SZT2: variants seen among roughly 807,000 people sequenced by gnomAD.
The protein encoded by SZT2 is KICSTOR complex protein SZT2.
SZT2 carries 216 observed loss-of-function variants against 404.2 expected under a neutral mutation model. The ratio of observed to expected loss-of-function variants is 0.53; its 90% CI spans 0.48 to 0.60. The LOEUF (loss-of-function observed/expected upper bound fraction) is 0.60, where lower values mean the gene tolerates loss of function less well. SZT2 is among the 20% of genes least tolerant of loss of function. The pLI, the probability that SZT2 is intolerant of heterozygous loss-of-function variation, is 0.00. For missense variants in SZT2, 3,857 were observed against 4,459.2 expected (o/e 0.86, Z 3.85); for synonymous variants, 1,693 against 1,749.9 (o/e 0.97, Z 0.81).
At position 43,452,801 on chromosome 1, in the gene SZT2, C is replaced by G. The variant is rs1656583414; in HGVS notation, c.*2321C>G. 1 of 1,241,802 alleles carries G rather than the reference C, an allele frequency of 8.1e-7. No homozygotes were observed. The highest frequency in any genetic ancestry group is 1.1e-6 in the Non-Finnish European group (1 of 875,214). 76.9% of individuals were successfully genotyped at this position (1,241,802 alleles called of 1,614,324 possible). A position where few individuals can be genotyped will look rare whatever the true frequency, so the allele number is the denominator to read the frequency against. ...CTGCAGGATTTGACATTTGAATCAGCCCCACTTTGAGCCGTCCACCTCCTC... is the reference window on the plus strand; with the variant it reads ...CTGCAGGATTTGACATTTGAATCAGGCCCACTTTGAGCCGTCCACCTCCTC... On this transcript the variant is annotated 3_prime_UTR_variant, in exon 72 of 72. Transcript: ENST00000634258.
chr1:43,437,151 C>A lies in SZT2; in HGVS notation c.6035-20C>A. 1.2e-6 allele frequency: 2 copies of A among 1,613,274 alleles called. No individual in the cohort carries two copies. The highest frequency in any genetic ancestry group is 1.7e-6 in the Non-Finnish European group (2 of 1,179,494). ...GAGGGTGGTGTGTCCCATTTCTAAT[C>A]CCTGCTCCCCCTCACCCAGATTATG... On this transcript the variant is annotated intron_variant, in intron 42 of 71. Coordinates refer to ENST00000634258, the MANE Select transcript of SZT2 (RefSeq NM_001365999.1). This position sits in a 1 kb window ranked among gnomAD's most constrained non-coding sequence, Gnocchi z 5.3.
rs1405448629 is a variant in SZT2, at chr1:43,420,831, C to T, written c.1344C>T (p.Pro448=). ...AGTATGTGGCTATGGCACCCTGGCC[C>T]CTGGAGCCTGAGGGCCCTCGAGTAA... The part of the protein sequence containing the change: ...RIEYVAMAPW[P]LEPEGPRVTR... Residue 448 remains proline, a synonymous_variant, in exon 10 of 72, where the codon CCC becomes CCT. Coordinates refer to ENST00000634258, the MANE Select transcript of SZT2 (RefSeq NM_001365999.1). This position sits in a 1 kb window ranked among gnomAD's most constrained non-coding sequence, Gnocchi z 5.1. 3.8e-6 allele frequency: 6 copies of T among 1,598,308 alleles called. No homozygotes were observed. The highest frequency in any genetic ancestry group is 2.2e-5 in the East Asian group (1 of 44,892).
rs1209373381 is a variant in SZT2 at position 43,404,481 on chromosome 1, C to T, written c.429C>T (p.Ile143=). Residue 143 remains isoleucine, a synonymous_variant, in exon 4 of 72, where the codon ATC becomes ATT. Transcript: ENST00000634258. ...CCTTCCGAGTGCCTGGATCTTGCAT[C>T]GACTTCCAGCCTGAGATCTATGTAA... ...LRPFRVPGSC[I]DFQPEIYVTI... is the part of the protein sequence containing the mutation. 42 of 1,613,894 alleles carry T rather than the reference C, an allele frequency of 2.6e-5. No individual in the cohort carries two copies. Among genetic ancestry groups the T allele is most frequent in the Non-Finnish European group, 3.5e-5 (41 of 1,180,034 alleles).
In SZT2 at chr1:43,442,110, G is replaced by A; in HGVS notation, c.7853G>A (p.Trp2618Ter). 2 of 1,613,868 alleles carry A rather than the reference G, an allele frequency of 1.2e-6. No individual in the cohort carries two copies. Among genetic ancestry groups the A allele is most frequent in the Non-Finnish European group, 1.7e-6 (2 of 1,179,936 alleles). ...LLLLGRNFLQ[W>*]RRPTQQAAKA... ...CTTCTGGGAAGGAACTTCTTGCAGT[G>A]GAGGAGACCAACACAGCAGGGTGAG... The change falls in exon 56 of 72, where the codon TGG (tryptophan) becomes TAG (stop). Residue 2618 changes from tryptophan (W) to a stop codon, truncating the protein, a stop_gained. Transcript: ENST00000634258. LOFTEE classifies it high-confidence loss of function. The surrounding 1 kb of genome is among the most constrained non-coding windows in gnomAD (Gnocchi z 4.5).
rs756384635 is a variant in SZT2 at position 43,428,036 on chromosome 1, A to G, written c.3837A>G (p.Ser1279=). The G allele has an allele frequency of 6.2e-7, 1 of 1,614,120 alleles. No homozygotes were observed. Among genetic ancestry groups the G allele is most frequent in the Non-Finnish European group, 8.5e-7 (1 of 1,180,010 alleles). ...TCCTCGACCACCCCTCCCCATCCTCAGCCTGGATGGAACCCCGGTACAAGG... is the reference window on the plus strand; with the variant it reads ...TCCTCGACCACCCCTCCCCATCCTCGGCCTGGATGGAACCCCGGTACAAGG... ...TQFLDHPSPS[S]AWMEPRYKEA... The change falls in exon 27 of 72, where the codon TCA becomes TCG. Residue 1279 remains serine (S), a synonymous_variant. Coordinates refer to ENST00000634258, the MANE Select transcript of SZT2 (RefSeq NM_001365999.1).
chr1:43,447,684 G>T lies in SZT2; in HGVS notation c.9426G>T (p.Val3142=). The stretch of plus-strand genomic sequence containing the variant: ...CAGAACACAACGAGTATGCCCTGGT[G>T]TCGGCATGGCACAGGTAAGGCTGAG... ...GGPEHNEYAL[V]SAWHSSGSYL... Residue 3142 remains valine (V), a synonymous_variant, in exon 67 of 72, where the codon GTG becomes GTT. Transcript: ENST00000634258. 6.2e-7 allele frequency: 1 copy of T among 1,614,058 alleles called. No homozygotes were observed. Among genetic ancestry groups the T allele is most frequent in the Non-Finnish European group, 8.5e-7 (1 of 1,179,994 alleles).
intron 42 of SZT2, 44 bp downstream of exon 42, chr1:43,435,373 G>C: frequency 1.9e-6 from 3 of 1,607,148 alleles, no homozygotes; most frequent in Non-Finnish European, 2.5e-6. Context: ...CAGTGCTGCC[G>C]CCCTTTCTTT....
intron 28 of SZT2, 47 bp downstream of exon 28, chr1:43,428,533 TC>T: frequency 1.3e-6 from 2 of 1,589,630 alleles, no homozygotes; most frequent in Non-Finnish European, 1.7e-6. Flanking sequence ...ACAGACCAAG[TC>T]CCTATAAACA....
intron 62 of SZT2, 130 bp downstream of exon 62, chr1:43,443,926 A>G: frequency 9.0e-7 from 1 of 1,109,652 alleles, no homozygotes; most frequent in Non-Finnish European, 1.3e-6. Flanking sequence ...TTATCCCACC[A>G]GGCTTGCACT....
chr1:43,427,838 C>T (rs1453373642), intron 26 of SZT2, 104 bp downstream of exon 26: 4 of 1,411,786 alleles, frequency 2.8e-6, no homozygotes, highest in African/African-American at 2.9e-5. Flanking sequence ...CTGCCATATC[C>T]TGCTGGCTCC....
At chr1:43,416,249 AGT>A (rs1330753696) in intron 6 of SZT2, 148 bp downstream of exon 6, 4 of 1,066,094 alleles carry the variant, frequency 3.8e-6, no homozygotes, top group Admixed American at 2.7e-5. Flanking sequence ...AGTCTGTATT[AGT>A]GTGTATCAGG....
chr1:43,443,934 A>G, intron 62 of SZT2, 138 bp downstream of exon 62: 2 of 1,053,758 alleles, frequency 1.9e-6, no homozygotes, highest in African/African-American at 1.6e-5. Context: ...CCAGGCTTGC[A>G]CTCATGTGAG....
rs112102534 is a variant in SZT2 at position 43,453,696 on chromosome 1, T to A, written c.*3216T>A. 1.4e-6 allele frequency: 2 copies of A among 1,437,868 alleles called. No homozygotes were observed. The highest frequency in any genetic ancestry group is 1.8e-6 in the Non-Finnish European group (2 of 1,105,620). 89.1% of individuals were successfully genotyped at this position (1,437,868 alleles called of 1,614,324 possible). On this transcript the variant is annotated 3_prime_UTR_variant, in exon 72 of 72. Transcript: ENST00000634258. Reference sequence around the variant, plus strand: ...GTACGGCCAGGCCACCTCGACGGCCTCGAAGCCCGAGCTGCCCGCGGCCCG... The same window carrying A: ...GTACGGCCAGGCCACCTCGACGGCCACGAAGCCCGAGCTGCCCGCGGCCCG...
At position 43,437,655 on chromosome 1, in the gene SZT2, C is replaced by A. The variant is rs370166503; in HGVS notation, c.6351C>A (p.Leu2117=). 5.6e-6 allele frequency: 9 copies of A among 1,614,078 alleles called. No individual in the cohort carries two copies. The highest frequency in any genetic ancestry group is 5.9e-6 in the Non-Finnish European group (7 of 1,179,992). ...PWKGDALPPS[L]ALSRSQEPIY... ...AAGGGGATGCGCTGCCCCCTTCCCT[C>A]GCTCTGTCCCGAAGCCAAGAGCCCA... The change falls in exon 45 of 72, where the codon CTC becomes CTA. Residue 2117 remains leucine (L), a synonymous_variant. Transcript: ENST00000634258. The surrounding 1 kb of genome is among the most constrained non-coding windows in gnomAD (Gnocchi z 5.3).
Position 43,442,553 on chromosome 1 carries a change from C to T in SZT2, c.8086C>T (p.Leu2696Phe), listed in dbSNP as rs1255998291. ...ACGAGCCCATCTCATCTTCTGCCTA[C>T]TCAGCCAGAAGCTTGGCCTCTTCCA... ...NARAHLIFCL[L>F]SQKLGLFHHY... is the part of the protein sequence containing the mutation. The change falls in exon 58 of 72, where the codon CTC (leucine) becomes TTC (phenylalanine). Residue 2696 changes from leucine (L) to phenylalanine (F), a missense_variant. Coordinates refer to ENST00000634258, the MANE Select transcript of SZT2 (RefSeq NM_001365999.1). This position sits in a 1 kb window ranked among gnomAD's most constrained non-coding sequence, Gnocchi z 4.5. 7 of 1,614,016 alleles carry T rather than the reference C, an allele frequency of 4.3e-6. No homozygotes were observed. In the East Asian group the frequency reaches 1.6e-4, roughly 36 times the overall value.
intron 36 of SZT2, 79 bp from the exon 37 acceptor site, chr1:43,432,193 G>A (rs890139564): frequency 5.9e-5 from 83 of 1,414,738 alleles, no homozygotes; most frequent in East Asian, 9.2e-5. Flanking sequence ...AGTTAGGAGC[G>A]TCTCATGAGG....
intron 5 of SZT2, among the ~76,000 whole-genome samples, chr1:43,415,643 T>G (rs563035080): frequency 1.5e-4 from 23 of 152,238 alleles, no homozygotes; most frequent in African/African-American, 5.5e-4. Flanking sequence ...GTAATTTGAT[T>G]GAGGTATAAA....
At position 43,435,336 on chromosome 1, in the gene SZT2, T is replaced by G. The variant is rs752277431; in HGVS notation, c.6034+7T>G. 21 of 1,613,848 alleles carry G rather than the reference T, an allele frequency of 1.3e-5. No individual in the cohort carries two copies. In the South Asian group the frequency reaches 2.3e-4, roughly 18 times the overall value. ...GCACCACTGCCCAGTGATGGTGAGA[T>G]CCCACCCAGGAGCCTCCCTCACAAG... On this transcript the variant is annotated splice_region_variant and intron_variant, in intron 42 of 71. Coordinates refer to ENST00000634258, the MANE Select transcript of SZT2 (RefSeq NM_001365999.1).
rs2153935476 is a variant in SZT2, at chr1:43,439,942, G to A, written c.7104G>A (p.Val2368=). Residue 2368 remains valine, a synonymous_variant, in exon 51 of 72, where the codon GTG becomes GTA. Transcript: ENST00000634258. The surrounding 1 kb of genome is among the most constrained non-coding windows in gnomAD (Gnocchi z 4.2). ...DVWEKGNISI[V]QLEEKLRGAA... ...GGGAAAAGGGGAACATTAGTATTGT[G>A]CAGCTGGAGGAGAAACTCCGAGGAG... is the stretch of plus-strand genomic sequence containing the variant. 1 of 1,613,758 alleles carries A rather than the reference G, an allele frequency of 6.2e-7. No individual in the cohort carries two copies. Among genetic ancestry groups the A allele is most frequent in the Admixed American group, 1.7e-5 (1 of 59,958 alleles).
Sources: allele counts gnomAD v4.1 joint callset (sites outside exome capture counted in the v4.1 genomes callset), GRCh38; gene constraint gnomAD v4.1.1; non-coding constraint Gnocchi (gnomAD v3.1); transcripts MANE v1.5; gene names NCBI Gene and HGNC (gene_info 2026-07-23, HGNC 2026-07-21).